DGKI: variants seen among roughly 807,000 people sequenced by gnomAD.
DGKI encodes the protein DAG kinase iota.
A neutral mutation model predicts 147.5 loss-of-function variants in DGKI; 55 were observed. The ratio of observed to expected loss-of-function variants is 0.37; its 90% CI spans 0.30 to 0.47. The LOEUF (loss-of-function observed/expected upper bound fraction) is 0.47, where lower values mean the gene tolerates loss of function less well. Among genes scored for constraint, DGKI ranks in the 20% least tolerant of loss-of-function variants. DGKI has a pLI of 1.00. For synonymous variants in DGKI, 469 were observed against 477.1 expected, an observed-to-expected ratio of 0.98 and a Z score of 0.22; for missense variants, 1,007 against 1,323.8, an observed-to-expected ratio of 0.76 and a Z score of 3.71.
chr7:137,704,508 T>C (rs1261861066), intron 1 of DGKI, among the ~76,000 whole-genome samples: 1 of 151,990 alleles, frequency 6.6e-6, no homozygotes, highest in East Asian at 1.9e-4. Context: ...AAACAGATCT[T>C]CAGAGACCTG....
intron 1 of DGKI, among the ~76,000 whole-genome samples, chr7:137,769,183 A>G (rs1002925318): frequency 2.0e-5 from 3 of 152,210 alleles, no homozygotes; most frequent in Admixed American, 6.5e-5. Context: ...CACGGGAGAA[A>G]ATGCAAAAGA....
intron 6 of DGKI, among the ~76,000 whole-genome samples, chr7:137,633,625 T>C (rs1027831856): frequency 6.6e-6 from 1 of 152,144 alleles, no homozygotes; most frequent in Non-Finnish European, 1.5e-5. Context: ...TGAGATCCCA[T>C]AAAACCAAAG....
Position 137,580,105 on chromosome 7 carries a change from T to C in DGKI, c.1642+1745A>G, listed in dbSNP as rs551433279. ...GACTCACTTGAGCTCATTGAGCTCA[T>C]TGAATGAGCTCATTGTTGGCCACTT... On this transcript the variant is annotated intron_variant, in intron 15 of 32. Coordinates refer to ENST00000614521, the MANE Select transcript of DGKI (RefSeq NM_001321708.2). 1.1e-4 allele frequency among the ~76,000 whole-genome samples: 16 copies of C among 152,230 alleles called. No homozygotes were observed. The South Asian group carries it at 2.7e-3, about 26-fold the overall frequency.
chr7:137,728,345 G>C (rs1217374019), intron 1 of DGKI, among the ~76,000 whole-genome samples: 1 of 152,074 alleles, frequency 6.6e-6, no homozygotes, highest in East Asian at 1.9e-4. Context: ...GCACATTAAA[G>C]AATTTTTCTA....
At chr7:137,439,983 TGGCACA>T (rs1189226114) in intron 28 of DGKI, among the ~76,000 whole-genome samples, 4 of 152,224 alleles carry the variant, frequency 2.6e-5, no homozygotes, top group Non-Finnish European at 5.9e-5. Flanking sequence ...CTGAGTGTGC[TGGCACA>T]GGTAGCAGCA....
chr7:137,566,005 T>C (rs1212419106), intron 19 of DGKI, among the ~76,000 whole-genome samples: 1 of 147,194 alleles, frequency 6.8e-6, no homozygotes, highest in Non-Finnish European at 1.5e-5. Flanking sequence ...AGTGCCATTC[T>C]GAATTTTCAA....
intron 5 of DGKI, among the ~76,000 whole-genome samples, chr7:137,651,487 A>G (rs1270502755): frequency 2.0e-5 from 3 of 152,204 alleles, no homozygotes; most frequent in Non-Finnish European, 4.4e-5. Flanking sequence ...TCTTAAAATC[A>G]TTTTTATGGT....
At position 137,412,150 on chromosome 7, in the gene DGKI, T is replaced by C; in HGVS notation, c.2799+20A>G. 1 of 1,611,398 alleles carries C rather than the reference T, an allele frequency of 6.2e-7. No individual in the cohort carries two copies. Among genetic ancestry groups the C allele is most frequent in the Non-Finnish European group, 8.5e-7 (1 of 1,177,590 alleles). ...AAGTTCTTAAAGCATCGCCAAAGAT[T>C]TGGTAGGAAGATATCTTACCTTCAT... On this transcript the variant is annotated intron_variant, in intron 29 of 32. Coordinates refer to ENST00000614521, the MANE Select transcript of DGKI (RefSeq NM_001321708.2).
chr7:137,536,144 T>C (rs973769934), intron 20 of DGKI, among the ~76,000 whole-genome samples: 1 of 152,150 alleles, frequency 6.6e-6, no homozygotes, highest in African/African-American at 2.4e-5. Context: ...CATACATATA[T>C]GCACACACAA....
At chr7:137,837,300 C>T (rs554541332) in intron 1 of DGKI, among the ~76,000 whole-genome samples, 8 of 152,254 alleles carry the variant, frequency 5.3e-5, no homozygotes, top group South Asian at 4.1e-4. Context: ...TTAATCGTTG[C>T]GGTCAGTATT....
chr7:137,707,907 T>A (rs564557593), intron 1 of DGKI, among the ~76,000 whole-genome samples: 4 of 152,360 alleles, frequency 2.6e-5, no homozygotes, highest in Admixed American at 2.6e-4. Context: ...ATTCTTCTAA[T>A]ACACAGGGAA....
intron 23 of DGKI, among the ~76,000 whole-genome samples, chr7:137,478,905 GA>G (rs1380049377): frequency 2.6e-5 from 4 of 152,136 alleles, no homozygotes; most frequent in Non-Finnish European, 5.9e-5. Flanking sequence ...CCAATAGAGA[GA>G]AAAAACACAA....
intron 30 of DGKI, among the ~76,000 whole-genome samples, chr7:137,399,318 A>C (rs1014338684): frequency 6.6e-6 from 1 of 151,732 alleles, no homozygotes; most frequent in Admixed American, 6.6e-5. Flanking sequence ...GTATCCTTCT[A>C]GCACCTACCC....
At chr7:137,642,764 T>C (rs1412817502) in intron 6 of DGKI, among the ~76,000 whole-genome samples, 1 of 152,060 alleles carries the variant, frequency 6.6e-6, no homozygotes, top group East Asian at 1.9e-4. Flanking sequence ...CATCATTTTA[T>C]TGTTTATTTT....
At chr7:137,499,129 A>C (rs571807300) in intron 21 of DGKI, among the ~76,000 whole-genome samples, 1 of 152,284 alleles carries the variant, frequency 6.6e-6, no homozygotes, top group East Asian at 1.9e-4. Context: ...AGTTTTTTCA[A>C]AACCACTCAA....
chr7:137,728,581 A>G (rs1794778670), intron 1 of DGKI, among the ~76,000 whole-genome samples: 1 of 152,124 alleles, frequency 6.6e-6, no homozygotes, highest in Admixed American at 6.5e-5. Flanking sequence ...TCAGGCTCAC[A>G]TAGCCGGGCC....
chr7:137,392,133 G>T (rs1273812813), intron 32 of DGKI, among the ~76,000 whole-genome samples: 3 of 151,928 alleles, frequency 2.0e-5, no homozygotes, highest in Non-Finnish European at 4.4e-5. Flanking sequence ...TCATAAATTT[G>T]TCATTAATTT....
At position 137,527,252 on chromosome 7, in the gene DGKI, T is replaced by C. The variant is rs1787913862; in HGVS notation, c.2148-5286A>G. Among the ~76,000 whole-genome samples, 6 of 152,212 alleles carry C rather than the reference T, an allele frequency of 3.9e-5. No homozygotes were observed. In the South Asian group the frequency reaches 1.2e-3, roughly 31 times the overall value. ...GGTCAAAAATAATAATAGTTGTTGT[T>C]ACTATTATTATCGCCCTAGCGCTTC... On this transcript the variant is annotated intron_variant, in intron 20 of 32. Coordinates refer to ENST00000614521, the MANE Select transcript of DGKI (RefSeq NM_001321708.2).
chr7:137,674,768 TA>T (rs543996123), intron 3 of DGKI, among the ~76,000 whole-genome samples: 4 of 152,206 alleles, frequency 2.6e-5, no homozygotes, highest in African/African-American at 9.7e-5. Flanking sequence ...ATCACTTATG[TA>T]AATCTTACCC....
Sources: allele counts gnomAD v4.1 joint callset (sites outside exome capture counted in the v4.1 genomes callset), GRCh38; gene constraint gnomAD v4.1.1; transcripts MANE v1.5; gene names NCBI Gene and HGNC (gene_info 2026-07-23, HGNC 2026-07-21).